Variants in RCL1 observed in about 807,000 individuals in gnomAD.
RCL1 encodes RNA terminal phosphate cyclase like 1.
A neutral mutation model predicts 42.4 loss-of-function variants in RCL1; 24 were observed. The observed-to-expected ratio is 0.57, with a 90% CI of 0.41 to 0.80. RCL1 has a LOEUF of 0.80. Among genes scored for constraint, RCL1 ranks in the 30% least tolerant of loss-of-function variants. RCL1 has a pLI of 0.00. For missense variants in RCL1, 578 were observed against 467.9 expected, an observed-to-expected ratio of 1.24 and a Z score of -2.17; for synonymous variants, 228 against 177.3, an observed-to-expected ratio of 1.29 and a Z score of -2.27.
In RCL1 at chr9:4,860,549, C is replaced by G. The variant is rs934814040; in HGVS notation, c.*274C>G. On this transcript the variant is annotated 3_prime_UTR_variant, in exon 9 of 9. Transcript: ENST00000381750. ...GAAGAATGTGCCTTCAGGCCACAGTCGTGCTGCTAGAACAGTCTCGTAGCT... is the reference window on the plus strand; with the variant it reads ...GAAGAATGTGCCTTCAGGCCACAGTGGTGCTGCTAGAACAGTCTCGTAGCT... The G allele has an allele frequency of 5.0e-6, 2 of 397,260 alleles. No individual in the cohort carries two copies. Among genetic ancestry groups the G allele is most frequent in the African/African-American group, 2.1e-5 (1 of 47,136 alleles). The allele number at this position is 397,260 out of a possible 1,614,324, so 24.6% of individuals were successfully genotyped here.
intron 8 of RCL1, among the ~76,000 whole-genome samples, chr9:4,853,313 C>A (rs1158144164): frequency 6.7e-6 from 1 of 149,564 alleles, no homozygotes; most frequent in African/African-American, 2.5e-5. Flanking sequence ...GCTTCCCTTA[C>A]CCACTGTGCT....
chr9:4,821,099 G>C (rs1209004680), intron 1 of RCL1, among the ~76,000 whole-genome samples: 2 of 152,298 alleles, frequency 1.3e-5, no homozygotes, highest in Middle Eastern at 3.4e-3. Context: ...ACTGAACAGA[G>C]GCAAACTAGT....
chr9:4,798,715 C>T (rs1842951226), intron 1 of RCL1, among the ~76,000 whole-genome samples: 1 of 152,010 alleles, frequency 6.6e-6, no homozygotes, highest in Non-Finnish European at 1.5e-5. Context: ...GGTTTGGGAC[C>T]CAGAATTCTT....
chr9:4,805,699 G>T (rs1345201906), intron 1 of RCL1, among the ~76,000 whole-genome samples: 1 of 152,110 alleles, frequency 6.6e-6, no homozygotes, highest in African/African-American at 2.4e-5. Context: ...AGGGCTTGCG[G>T]GTGGTGCAGT....
At chr9:4,843,803 C>T (rs1379815094) in intron 6 of RCL1, among the ~76,000 whole-genome samples, 1 of 152,182 alleles carries the variant, frequency 6.6e-6, no homozygotes, top group African/African-American at 2.4e-5. Context: ...CACTGCTGGA[C>T]ACCCTCTCAC....
At position 4,831,269 on chromosome 9, in the gene RCL1, G is replaced by A. The variant is rs564552664; in HGVS notation, c.385-1885G>A. On this transcript the variant is annotated intron_variant, in intron 3 of 8. Transcript: ENST00000381750. The stretch of plus-strand genomic sequence containing the variant: ...TTGGCTTCACTCTTTGTGACTCAAG[G>A]TATAGGAAGGATGAGCCAGAAGGAA... 7.2e-5 allele frequency among the ~76,000 whole-genome samples: 11 copies of A among 152,286 alleles called. No individual in the cohort carries two copies. The South Asian group carries it at 1.7e-3, about 23-fold the overall frequency.
chr9:4,852,048 A>AT (rs1817771678), intron 8 of RCL1, among the ~76,000 whole-genome samples: 2 of 151,814 alleles, frequency 1.3e-5, no homozygotes, highest in East Asian at 1.9e-4. Flanking sequence ...TGCCTGGCTA[A>AT]TTTTTTGTAT....
At chr9:4,820,859 T>C (rs1035519716) in intron 1 of RCL1, among the ~76,000 whole-genome samples, 1 of 152,262 alleles carries the variant, frequency 6.6e-6, no homozygotes, top group African/African-American at 2.4e-5. Context: ...CCTGTGATGC[T>C]ACTTACATCA....
At chr9:4,793,630 G>A (rs889136898) in intron 1 of RCL1, among the ~76,000 whole-genome samples, 6 of 152,214 alleles carry the variant, frequency 3.9e-5, no homozygotes, top group Admixed American at 1.3e-4. Flanking sequence ...GACATTGGGA[G>A]AGAAAAGTAC....
chr9:4,795,014 G>A (rs1334909271), intron 1 of RCL1, among the ~76,000 whole-genome samples: 1 of 152,176 alleles, frequency 6.6e-6, no homozygotes, highest in African/African-American at 2.4e-5. Context: ...GAGACTCCTA[G>A]TTATTTGTAC....
At chr9:4,837,552 G>T (rs1281391982) in intron 5 of RCL1, among the ~76,000 whole-genome samples, 1 of 152,068 alleles carries the variant, frequency 6.6e-6, no homozygotes, top group African/African-American at 2.4e-5. Context: ...GTGATTTCTG[G>T]CAGTGTGCTC....
At chr9:4,836,564 C>T (rs1241343918) in intron 5 of RCL1, among the ~76,000 whole-genome samples, 1 of 150,298 alleles carries the variant, frequency 6.7e-6, no homozygotes, top group Non-Finnish European at 1.5e-5. Context: ...GTGTTGGAGG[C>T]CGTAGAGCAA....
At chr9:4,829,611 G>A (rs544740318) in intron 3 of RCL1, among the ~76,000 whole-genome samples, 54 of 152,190 alleles carry the variant, frequency 3.5e-4, no homozygotes, top group Non-Finnish European at 6.3e-4. Flanking sequence ...GCCTCTAGGA[G>A]TATGAGATTG....
chr9:4,793,531 C>G (rs1056351385), intron 1 of RCL1, among the ~76,000 whole-genome samples: 8 of 152,238 alleles, frequency 5.3e-5, no homozygotes, highest in Admixed American at 2.0e-4. Flanking sequence ...CCCTTCGCGT[C>G]CCTTCGGCCC....
In RCL1 at chr9:4,797,467, C is replaced by T. The variant is rs1465281133; in HGVS notation, c.136+4240C>T. ...ATATGTAAAGCACAGTAGTTTTCAACCAGGGGCACTTTTGTTCAGTGGGGG... is the reference window on the plus strand; with the variant it reads ...ATATGTAAAGCACAGTAGTTTTCAATCAGGGGCACTTTTGTTCAGTGGGGG... On this transcript the variant is annotated intron_variant, in intron 1 of 8. Coordinates refer to ENST00000381750, the MANE Select transcript of RCL1 (RefSeq NM_005772.5). Among the ~76,000 whole-genome samples, 4 of 152,116 alleles carry T rather than the reference C, an allele frequency of 2.6e-5. No individual in the cohort carries two copies. The East Asian group carries it at 7.7e-4, about 29-fold the overall frequency.
At chr9:4,814,487 C>G (rs548474816) in intron 1 of RCL1, among the ~76,000 whole-genome samples, 1 of 152,222 alleles carries the variant, frequency 6.6e-6, no homozygotes, top group South Asian at 2.1e-4. Flanking sequence ...AGGCTGGTCG[C>G]CAACTCCTGG....
At chr9:4,841,081 A>G in intron 5 of RCL1, 151 bp from the exon 6 acceptor site, 2 of 732,166 alleles carry the variant, frequency 2.7e-6, no homozygotes, top group Middle Eastern at 2.5e-4. Context: ...AAATTTAATT[A>G]TGGTACTAAT....
intron 7 of RCL1, among the ~76,000 whole-genome samples, chr9:4,845,982 G>C (rs1463321402): frequency 6.6e-6 from 1 of 152,202 alleles, no homozygotes; most frequent in Admixed American, 6.5e-5. Context: ...CAGTAAAACA[G>C]GTAAAGTGGC....
At chr9:4,849,347 T>G in intron 7 of RCL1, 100 bp from the exon 8 acceptor site, 1 of 816,876 alleles carries the variant, frequency 1.2e-6, no homozygotes, top group African/African-American at 1.7e-5. Flanking sequence ...GAACTTTGGA[T>G]TTTGATATTA....
Sources: gnomAD v4.1 joint callset for allele counts (sites outside exome capture counted in the v4.1 genomes callset) on GRCh38, gnomAD v4.1.1 for gene constraint, MANE v1.5 for transcripts, NCBI Gene and HGNC (gene_info 2026-07-23, HGNC 2026-07-21) for gene names.